Variants in SLC37A1 observed in about 807,000 individuals in gnomAD.
The protein encoded by SLC37A1 is glucose-6-phosphate exchanger SLC37A1.
SLC37A1 carries 49 observed loss-of-function variants against 75.3 expected under a neutral mutation model. The observed-to-expected ratio is 0.65, with a 90% CI of 0.52 to 0.83. The LOEUF (loss-of-function observed/expected upper bound fraction) is 0.83. SLC37A1 is among the 40% of genes least tolerant of loss of function. The probability of loss-of-function intolerance (pLI) is 0.00; values close to 1 mark genes in which losing one functional copy is unlikely to be tolerated. For missense variants in SLC37A1, 566 were observed against 695.0 expected (o/e 0.81, Z 2.09); for synonymous variants, 268 against 292.1 (o/e 0.92, Z 0.84).
Position 42,565,805 on chromosome 21 carries a change from C to T in SLC37A1, c.1222-22C>T, listed in dbSNP as rs776847651. The T allele has an allele frequency of 3.7e-6, 6 of 1,612,102 alleles. No individual in the cohort carries two copies. In the African/African-American group the frequency reaches 8.0e-5, roughly 22 times the overall value. ...TGCTTGCAGCCAGCCATGGCTTTGA[C>T]CTTGTGTCTTGATGTCCACAGCTCT... On this transcript the variant is annotated intron_variant, in intron 14 of 19. Coordinates refer to ENST00000352133, the MANE Select transcript of SLC37A1 (RefSeq NM_001320537.2).
At chr21:42,522,908 A>C (rs1601671028) in intron 2 of SLC37A1, among the ~76,000 whole-genome samples, 1 of 152,200 alleles carries the variant, frequency 6.6e-6, no homozygotes, top group Admixed American at 6.5e-5. Context: ...TGCTGTGAGC[A>C]CCAGCCGGGA....
At chr21:42,520,996 T>C (rs1017493987) in intron 2 of SLC37A1, among the ~76,000 whole-genome samples, 2 of 152,076 alleles carry the variant, frequency 1.3e-5, no homozygotes, top group African/African-American at 4.8e-5. Context: ...ACTAAAGAAG[T>C]AGGAGAAATG....
At chr21:42,559,153 T>C in intron 11 of SLC37A1, 64 bp downstream of exon 11, 2 of 1,564,030 alleles carry the variant, frequency 1.3e-6, no homozygotes, top group Non-Finnish European at 1.7e-6. Flanking sequence ...GGAAGTCTGG[T>C]CGGTTGATGA....
At chr21:42,577,320 T>G (rs116939816) in intron 18 of SLC37A1, among the ~76,000 whole-genome samples, 13,363 of 152,304 alleles carry the variant, frequency 0.088, 811 homozygotes, top group Non-Finnish European at 0.13. Context: ...CTGGGAATGG[T>G]TTATATTTTT....
chr21:42,557,470 G>T (rs915167133), intron 10 of SLC37A1, among the ~76,000 whole-genome samples: 3 of 152,276 alleles, frequency 2.0e-5, no homozygotes, highest in Non-Finnish European at 2.9e-5. Flanking sequence ...GCCGTGATGG[G>T]ATTATCATCG....
At chr21:42,541,522 C>A (rs928654235) in intron 6 of SLC37A1, among the ~76,000 whole-genome samples, 2 of 152,194 alleles carry the variant, frequency 1.3e-5, no homozygotes, top group Non-Finnish European at 2.9e-5. Flanking sequence ...CAATACATTC[C>A]CCAAGTCCCT....
chr21:42,528,052 G>A (rs76816637), intron 3 of SLC37A1, among the ~76,000 whole-genome samples: 16,623 of 152,206 alleles, frequency 0.11, 967 homozygotes, highest in Middle Eastern at 0.17. Flanking sequence ...AAAGCAAAAT[G>A]TATTTGCTTA....
In SLC37A1 at chr21:42,503,562, T is replaced by G. The variant is rs138046579; in HGVS notation, c.-179+1145T>G. On this transcript the variant is annotated intron_variant, in intron 2 of 20. Transcript: ENST00000398341. The stretch of plus-strand genomic sequence containing the variant: ...CCACACCCAGCCTCCATTTTGTTTT[T>G]AAGAAAACAATGTGTCGGGTGTCTT... Among the ~76,000 whole-genome samples, 380 of 152,278 alleles carry G rather than the reference T, an allele frequency of 2.5e-3. 1 individual carries two copies. Among genetic ancestry groups the G allele is most frequent in the African/African-American group, 8.7e-3 (363 of 41,560 alleles).
At chr21:42,558,001 G>A (rs966386567) in intron 10 of SLC37A1, among the ~76,000 whole-genome samples, 6 of 152,060 alleles carry the variant, frequency 3.9e-5, no homozygotes, top group South Asian at 4.2e-4. Flanking sequence ...AAGGACAGCC[G>A]CACAATCACA....
chr21:42,518,337 C>A lies in SLC37A1; in HGVS notation c.-118C>A. 2 of 1,335,572 alleles carry A rather than the reference C, an allele frequency of 1.5e-6. No homozygotes were observed. The highest frequency in any genetic ancestry group is 1.2e-5 in the South Asian group (1 of 83,316). 82.7% of individuals were successfully genotyped at this position (1,335,572 alleles called of 1,614,324 possible). ...CCCAGCAGGACACCTTCTTTCCACGCTTTCCAGCCTGTGGGAGCGGCAGGG... is the reference window on the plus strand; with the variant it reads ...CCCAGCAGGACACCTTCTTTCCACGATTTCCAGCCTGTGGGAGCGGCAGGG... On this transcript the variant is annotated 5_prime_UTR_variant, in exon 2 of 20. Coordinates refer to ENST00000352133, the MANE Select transcript of SLC37A1 (RefSeq NM_001320537.2).
chr21:42,522,825 T>C (rs1176878113), intron 2 of SLC37A1, among the ~76,000 whole-genome samples: 2 of 152,254 alleles, frequency 1.3e-5, no homozygotes, highest in Admixed American at 6.5e-5. Context: ...CACACAAGGC[T>C]GAACTAAAGG....
intron 12 of SLC37A1, among the ~76,000 whole-genome samples, chr21:42,563,309 A>G (rs1041454310): frequency 6.6e-6 from 1 of 152,156 alleles, no homozygotes; most frequent in Non-Finnish European, 1.5e-5. Context: ...GCCATTGATG[A>G]TTCGGAACGG....
Position 42,508,838 on chromosome 21 carries a change from G to C in SLC37A1, c.-179+6421G>C, listed in dbSNP as rs147010119. ...TGGGAAACACTGCCAAGGGGTCTTA[G>C]AAGCAAGAAAATTTGCCTATTTTAT... On this transcript the variant is annotated intron_variant, in intron 2 of 20. Transcript: ENST00000398341. Among the ~76,000 whole-genome samples, 7 of 152,324 alleles carry C rather than the reference G, an allele frequency of 4.6e-5. No individual in the cohort carries two copies. In the East Asian group the frequency reaches 1.3e-3, roughly 29 times the overall value.
chr21:42,518,539 A>T (rs1601661711), intron 2 of SLC37A1, 29 bp downstream of exon 2: 1 of 1,613,734 alleles, frequency 6.2e-7, no homozygotes, highest in Non-Finnish European at 8.5e-7. Context: ...GGCCCTTGGC[A>T]TGGAGCTGTG....
intron 18 of SLC37A1, among the ~76,000 whole-genome samples, chr21:42,577,894 G>A (rs575053989): frequency 1.1e-4 from 16 of 152,330 alleles, no homozygotes; most frequent in Non-Finnish European, 1.8e-4. Context: ...AGAGGAAGCC[G>A]GATTTGCTGC....
chr21:42,579,595 AG>A, intron 18 of SLC37A1, 140 bp from the exon 19 acceptor site: 1 of 501,498 alleles, frequency 2.0e-6, no homozygotes, highest in Non-Finnish European at 3.4e-6. Flanking sequence ...CTGCTCTTGC[AG>A]GGAGGCCACC....
Position 42,545,049 on chromosome 21 carries a change from C to T in SLC37A1, c.730+1447C>T, listed in dbSNP as rs2055372259. 6.6e-6 allele frequency among the ~76,000 whole-genome samples: 1 copy of T among 152,188 alleles called. No individual in the cohort carries two copies. The highest frequency in any genetic ancestry group is 6.5e-5 in the Admixed American group (1 of 15,282). Reference sequence around the variant, plus strand: ...CCTCAGCACCCGCTCCAGGCATTCACGGCCCTATGTTGATGTTTGTCTCTG... The same window carrying T: ...CCTCAGCACCCGCTCCAGGCATTCATGGCCCTATGTTGATGTTTGTCTCTG... On this transcript the variant is annotated intron_variant, in intron 8 of 19. Coordinates refer to ENST00000352133, the MANE Select transcript of SLC37A1 (RefSeq NM_001320537.2). The surrounding 1 kb of genome is among the most constrained non-coding windows in gnomAD (Gnocchi z 4.0).
chr21:42,559,075 G>A lies in SLC37A1; in HGVS notation c.967G>A (p.Ala323Thr). 6.2e-7 allele frequency: 1 copy of A among 1,610,814 alleles called. No individual in the cohort carries two copies. Among genetic ancestry groups the A allele is most frequent in the Non-Finnish European group, 8.5e-7 (1 of 1,178,704 alleles). ...CACGGCCGCCATCAGCTTCACAGGG[G>A]CCTTGAAAATTCCAGTAAGTAAACG... ...SGTAAISFTGALKIPGVIEFS... is the reference protein window; with the variant it reads ...SGTAAISFTGTLKIPGVIEFS... Residue 323 changes from alanine to threonine, a missense_variant, in exon 11 of 20, where the codon GCC becomes ACC. Coordinates refer to ENST00000352133, the MANE Select transcript of SLC37A1 (RefSeq NM_001320537.2).
chr21:42,530,654 A>ACACCCCCCCCCCC (rs1161313598), intron 3 of SLC37A1, among the ~76,000 whole-genome samples: 1 of 35,880 alleles, frequency 2.8e-5, no homozygotes, highest in Non-Finnish European at 5.2e-5. Context: ...ACACACACAC[A>ACACCCCCCCCCCC]CCCCCTCTGT....
Sources: allele counts gnomAD v4.1 joint callset (sites outside exome capture counted in the v4.1 genomes callset), GRCh38; gene constraint gnomAD v4.1.1; non-coding constraint Gnocchi (gnomAD v3.1); transcripts MANE v1.5; gene names NCBI Gene and HGNC (gene_info 2026-07-23, HGNC 2026-07-21).